The following ATXN7L1 variants were observed in gnomAD, a reference collection of about 807,000 sequenced individuals.
ATXN7L1 encodes the protein ataxin-7-like protein 1.
ATXN7L1 carries 15 observed loss-of-function variants against 70.8 expected under a neutral mutation model. That is an observed-to-expected ratio of 0.21 (90% CI 0.14 to 0.33). The LOEUF (loss-of-function observed/expected upper bound fraction) is 0.33, where lower values mean the gene tolerates loss of function less well. Ranked by LOEUF, ATXN7L1 falls within the 10% of genes least tolerant of loss-of-function variation. The probability of loss-of-function intolerance (pLI) is 1.00; values close to 1 mark genes in which losing one functional copy is unlikely to be tolerated. For synonymous variants in ATXN7L1, 440 were observed against 445.1 expected (o/e 0.99, Z 0.14); for missense variants, 975 against 1,097.1 (o/e 0.89, Z 1.57).
intron 3 of ATXN7L1, among the ~76,000 whole-genome samples, chr7:105,709,855 A>C (rs1793659421): frequency 6.6e-6 from 1 of 151,646 alleles, no homozygotes; most frequent in Non-Finnish European, 1.5e-5. Context: ...CCCATACCCA[A>C]ATAATAATAA....
chr7:105,870,174 C>G (rs905897532), intron 2 of ATXN7L1, among the ~76,000 whole-genome samples: 1 of 151,258 alleles, frequency 6.6e-6, no homozygotes, highest in South Asian at 2.1e-4. Context: ...CCCAGCTACT[C>G]GGGAGCCTGA....
chr7:105,853,590 A>C (rs1245449142), intron 2 of ATXN7L1, among the ~76,000 whole-genome samples: 1 of 148,360 alleles, frequency 6.7e-6, no homozygotes, highest in South Asian at 2.1e-4. Flanking sequence ...AACAAACAAA[A>C]AAAACAAAAA....
At chr7:105,784,486 G>A (rs539428905) in intron 3 of ATXN7L1, among the ~76,000 whole-genome samples, 30 of 151,330 alleles carry the variant, frequency 2.0e-4, no homozygotes, top group Admixed American at 2.6e-4. Flanking sequence ...TAAATGACTA[G>A]TATACCAAGA....
chr7:105,677,238 T>C (rs1804822369), intron 3 of ATXN7L1, among the ~76,000 whole-genome samples: 1 of 152,222 alleles, frequency 6.6e-6, no homozygotes, highest in South Asian at 2.1e-4. Flanking sequence ...CGACCAAACA[T>C]GCTGTCTTTG....
At chr7:105,832,666 C>T (rs956949861) in intron 2 of ATXN7L1, among the ~76,000 whole-genome samples, 9 of 152,174 alleles carry the variant, frequency 5.9e-5, no homozygotes, top group Non-Finnish European at 8.8e-5. Flanking sequence ...GACTTCTCCA[C>T]GGAAAGCTTT....
At chr7:105,636,633 A>G (rs571896449) in intron 7 of ATXN7L1, among the ~76,000 whole-genome samples, 7 of 152,282 alleles carry the variant, frequency 4.6e-5, no homozygotes, top group African/African-American at 1.7e-4. Context: ...TTATTCTTTA[A>G]TGGCTGCTCC....
At chr7:105,788,459 G>T in intron 3 of ATXN7L1, 145 bp downstream of exon 3, 2 of 654,510 alleles carry the variant, frequency 3.1e-6, no homozygotes, top group Non-Finnish European at 5.4e-6. Flanking sequence ...CAGCCTGCGA[G>T]CAGAGGCAGC....
chr7:105,640,192 AGCAGTGTTACAG>A (rs1457667012), intron 5 of ATXN7L1, among the ~76,000 whole-genome samples: 2 of 152,220 alleles, frequency 1.3e-5, no homozygotes, highest in Non-Finnish European at 2.9e-5. Flanking sequence ...GGGGCACTCT[AGCAGTGTTACAG>A]GCAGGGGCAG....
rs868860162 is a variant in ATXN7L1, at chr7:105,700,045, C to T, written c.356-34757G>A. ...GAGGAGCAGCGACTCAGAGCCCCTC[C>T]GAGCCGCTCTGAGCTCCTGGCTGGG... On this transcript the variant is annotated intron_variant, in intron 3 of 11. Coordinates refer to ENST00000419735, the MANE Select transcript of ATXN7L1 (RefSeq NM_020725.2). Among the ~76,000 whole-genome samples the T allele has an allele frequency of 9.9e-5, 15 of 152,158 alleles. No homozygotes were observed. The South Asian group carries it at 1.9e-3, about 19-fold the overall frequency.
chr7:105,612,213 C>T lies in ATXN7L1; in HGVS notation c.2473-1610G>A, dbSNP rs142523115. Among the ~76,000 whole-genome samples, 184 of 152,320 alleles carry T rather than the reference C, an allele frequency of 1.2e-3. 1 individual carries two copies. Among genetic ancestry groups the T allele is most frequent in the East Asian group, 0.01 (54 of 5,182 alleles). On this transcript the variant is annotated intron_variant, in intron 10 of 11. Coordinates refer to ENST00000419735, the MANE Select transcript of ATXN7L1 (RefSeq NM_020725.2). ...TTAAATCCTAGCCTAACTACTGCTT[C>T]GCTGTGTGATTTTGGGTGCCTTGCT...
intron 3 of ATXN7L1, among the ~76,000 whole-genome samples, chr7:105,771,841 T>C (rs954264825): frequency 6.6e-6 from 1 of 151,984 alleles, no homozygotes; most frequent in African/African-American, 2.4e-5. Context: ...ATTTTAGAAA[T>C]AAAATCTATT....
At chr7:105,830,125 A>C (rs1355970900) in intron 2 of ATXN7L1, among the ~76,000 whole-genome samples, 2 of 152,202 alleles carry the variant, frequency 1.3e-5, no homozygotes, top group Admixed American at 6.5e-5. Flanking sequence ...TATTTATCCT[A>C]CTAGGTCACG....
At chr7:105,771,673 C>A (rs1033696550) in intron 3 of ATXN7L1, among the ~76,000 whole-genome samples, 2 of 152,096 alleles carry the variant, frequency 1.3e-5, no homozygotes, top group Non-Finnish European at 2.9e-5. Context: ...GCCATGATTT[C>A]AATTCTTTAT....
intron 7 of ATXN7L1, among the ~76,000 whole-genome samples, chr7:105,626,394 A>C (rs900827514): frequency 6.6e-6 from 1 of 152,202 alleles, no homozygotes; most frequent in Non-Finnish European, 1.5e-5. Flanking sequence ...GTGGATATAC[A>C]GTTCTGGAGA....
rs536987030 is a variant in ATXN7L1 at position 105,723,108 on chromosome 7, T to C, written c.356-57820A>G. ...TGGTTCTGGGTCTCGATGCCCTCAC[T>C]CTTTGGATACATGACGTGGGGTGTA... is the stretch of plus-strand genomic sequence containing the variant. On this transcript the variant is annotated intron_variant, in intron 3 of 11. Coordinates refer to ENST00000419735, the MANE Select transcript of ATXN7L1 (RefSeq NM_020725.2). Among the ~76,000 whole-genome samples, 31 of 152,216 alleles carry C rather than the reference T, an allele frequency of 2.0e-4. 1 individual carries two copies. Among genetic ancestry groups the C allele is most frequent in the Admixed American group, 1.9e-3 (29 of 15,268 alleles).
intron 2 of ATXN7L1, among the ~76,000 whole-genome samples, chr7:105,832,357 C>T (rs1811736477): frequency 1.3e-5 from 2 of 152,140 alleles, no homozygotes. Flanking sequence ...GACTAAACTG[C>T]CTTCATAACA....
At chr7:105,789,101 G>T (rs1804752088) in intron 2 of ATXN7L1, among the ~76,000 whole-genome samples, 1 of 152,218 alleles carries the variant, frequency 6.6e-6, no homozygotes, top group African/African-American at 2.4e-5. Context: ...TGCATAAGCA[G>T]CGGTCCCTCA....
At chr7:105,733,843 C>T (rs1421173494) in intron 3 of ATXN7L1, among the ~76,000 whole-genome samples, 2 of 77,608 alleles carry the variant, frequency 2.6e-5, no homozygotes, top group African/African-American at 1.3e-4. Flanking sequence ...TCCGTCCACC[C>T]ATCCATCCAT....
chr7:105,689,801 G>A (rs764419094), intron 3 of ATXN7L1, among the ~76,000 whole-genome samples: 11 of 152,164 alleles, frequency 7.2e-5, no homozygotes, highest in Non-Finnish European at 1.5e-4. Flanking sequence ...GATCATGTCC[G>A]AGCCCGAGTT....
Sources: gnomAD v4.1 joint callset for allele counts (sites outside exome capture counted in the v4.1 genomes callset) on GRCh38, gnomAD v4.1.1 for gene constraint, MANE v1.5 for transcripts, NCBI Gene and HGNC (gene_info 2026-07-23, HGNC 2026-07-21) for gene names.